DMD: variants seen among roughly 807,000 people sequenced by gnomAD.
DMD encodes the protein dystrophin, also known as mutant dystrophin.
Under a neutral mutation model 330.1 loss-of-function variants are expected in DMD, and 63 were observed. The ratio of observed to expected loss-of-function variants is 0.19; its 90% CI spans 0.16 to 0.24. DMD has a LOEUF of 0.24. Ranked by LOEUF, DMD falls within the 10% of genes least tolerant of loss-of-function variation. The pLI is 1.00. For synonymous variants in DMD, 1,223 were observed against 959.8 expected (o/e 1.27, Z -5.07); for missense variants, 3,344 against 2,684.1 (o/e 1.25, Z -5.43).
At chrX:32,730,950 G>C (rs1176171241) in intron 7 of DMD, among the ~76,000 whole-genome samples, 1 of 111,886 alleles carries the variant, frequency 8.9e-6, no homozygotes, top group Non-Finnish European at 1.9e-5. Context: ...ACAGCTCCCA[G>C]AGTGAGCGAC....
chrX:33,229,857 T>C (rs2052358412), intron 1 of DMD, among the ~76,000 whole-genome samples: 1 of 112,392 alleles, frequency 8.9e-6, no homozygotes, highest in Admixed American at 9.4e-5. Flanking sequence ...TTGGAGATAA[T>C]TGACATCTTT....
chrX:32,652,501 G>A (rs1030560923), intron 9 of DMD, among the ~76,000 whole-genome samples: 9 of 110,395 alleles, frequency 8.2e-5, no homozygotes, highest in Non-Finnish European at 1.5e-4. Flanking sequence ...ATTTCATGGT[G>A]TATATGTGCC....
intron 45 of DMD, among the ~76,000 whole-genome samples, chrX:31,961,962 T>C (rs903915379): frequency 9.1e-6 from 1 of 110,099 alleles, no homozygotes; most frequent in African/African-American, 3.3e-5. Context: ...TAGGAAGAAA[T>C]TGCAAGTGTA....
intron 30 of DMD, among the ~76,000 whole-genome samples, chrX:32,407,212 T>C (rs12381925): frequency 0.45 from 49,480 of 109,672 alleles, 8,619 homozygotes; most frequent in East Asian, 0.73. Flanking sequence ...GAGAAGATTT[T>C]CGCAACCTAC....
At chrX:31,902,995 GTCCCTATTA>G (rs1176774273) in intron 47 of DMD, among the ~76,000 whole-genome samples, 1 of 111,217 alleles carries the variant, frequency 9.0e-6, no homozygotes, top group Non-Finnish European at 1.9e-5. Flanking sequence ...AGAGACAATT[GTCCCTATTA>G]TGACACCTCT....
rs3072821 is a variant in DMD at position 31,951,159 on chromosome X, G to A, written c.6614+17180C>T. On this transcript the variant is annotated intron_variant, in intron 45 of 78. Transcript: ENST00000357033. ...TATATATGTGTATATATATATATAT[G>A]TATATATATATATATGTATATATAT... 7.8e-3 allele frequency among the ~76,000 whole-genome samples: 559 copies of A among 71,526 alleles called. 10 individuals carry two copies. The highest frequency in any genetic ancestry group is 0.019 in the African/African-American group (343 of 17,923). The allele number at this position is 71,526 out of a possible 115,157, so 62.1% of individuals were successfully genotyped here.
chrX:32,973,578 G>C, intron 2 of DMD, among the ~76,000 whole-genome samples: 2 of 111,869 alleles, frequency 1.8e-5, no homozygotes, highest in Non-Finnish European at 3.8e-5. Context: ...AAACAACATA[G>C]CAAGTTCACA....
intron 55 of DMD, among the ~76,000 whole-genome samples, chrX:31,540,010 G>C (rs1030161726): frequency 3.6e-5 from 4 of 111,869 alleles, no homozygotes; most frequent in African/African-American, 1.3e-4. Flanking sequence ...ATTGCCACTC[G>C]GAAACAGAAT....
Position 33,205,753 on chromosome X carries a change from G to T in DMD, c.31+5529C>A, listed in dbSNP as rs749949229. 3.6e-5 allele frequency among the ~76,000 whole-genome samples: 4 copies of T among 111,598 alleles called. No individual in the cohort carries two copies. In the Admixed American group the frequency reaches 3.8e-4, roughly 11 times the overall value. ...TGGAAATAATATGGGACACCGTAAT[G>T]GTAATTGTGCTCAGCTAACACTGAC... On this transcript the variant is annotated intron_variant, in intron 1 of 78. Transcript: ENST00000357033.
At chrX:32,792,139 G>A (rs2075864799) in intron 7 of DMD, among the ~76,000 whole-genome samples, 1 of 111,455 alleles carries the variant, frequency 9.0e-6, no homozygotes, top group African/African-American at 3.3e-5. Context: ...ACCCAGCCAA[G>A]GTAGCCTTCA....
At chrX:32,453,029 C>T (rs961338203) in intron 26 of DMD, among the ~76,000 whole-genome samples, 3 of 111,002 alleles carry the variant, frequency 2.7e-5, no homozygotes, top group Non-Finnish European at 5.7e-5. Context: ...ACATACAATT[C>T]TTCATAAATG....
intron 17 of DMD, among the ~76,000 whole-genome samples, chrX:32,538,753 C>T (rs1390156161): frequency 2.7e-5 from 3 of 111,402 alleles, no homozygotes; most frequent in African/African-American, 6.5e-5. Flanking sequence ...CACCACTCCA[C>T]GCCTATTAGA....
intron 74 of DMD, among the ~76,000 whole-genome samples, chrX:31,147,782 C>A (rs897663496): frequency 3.6e-5 from 4 of 110,256 alleles, no homozygotes; most frequent in Non-Finnish European, 7.6e-5. Context: ...TTATGTTACA[C>A]TAAAAGCCTC....
chrX:32,650,759 T>A (rs146274492), intron 9 of DMD, among the ~76,000 whole-genome samples: 116 of 111,959 alleles, frequency 1.0e-3, no homozygotes, highest in African/African-American at 3.6e-3. Context: ...CTAATGAGGA[T>A]TTAGGAAAAA....
At chrX:32,929,948 T>C (rs2089441952) in intron 2 of DMD, among the ~76,000 whole-genome samples, 1 of 111,796 alleles carries the variant, frequency 8.9e-6, no homozygotes, top group Non-Finnish European at 1.9e-5. Flanking sequence ...ACATTTTCTT[T>C]ATCCAGTCTA....
rs186116586 is a variant in DMD, at chrX:32,916,059, T to C, written c.94-66239A>G. Reference sequence around the variant, plus strand: ...TAATAAAATCATTTACTTCTACTTCTAGTATTCAGAAGAGAGGTAAAGGTA... The same window carrying C: ...TAATAAAATCATTTACTTCTACTTCCAGTATTCAGAAGAGAGGTAAAGGTA... On this transcript the variant is annotated intron_variant, in intron 2 of 78. Transcript: ENST00000357033. Among the ~76,000 whole-genome samples the C allele has an allele frequency of 3.5e-3, 387 of 111,474 alleles. 1 individual carries two copies. Among genetic ancestry groups the C allele is most frequent in the South Asian group, 0.015 (39 of 2,659 alleles).
chrX:33,275,731 A>T (rs974210053), intron 1 of DMD, among the ~76,000 whole-genome samples: 1 of 111,960 alleles, frequency 8.9e-6, no homozygotes, highest in African/African-American at 3.2e-5. Context: ...ATGATTCAAC[A>T]GGACTAAAAT....
chrX:31,428,440 C>A (rs765095775), intron 60 of DMD, among the ~76,000 whole-genome samples: 1 of 112,084 alleles, frequency 8.9e-6, no homozygotes, highest in Admixed American at 9.5e-5. Context: ...GCCTGCAGAA[C>A]CATGAGCCAA....
intron 1 of DMD, among the ~76,000 whole-genome samples, chrX:33,275,510 A>T (rs758666117): frequency 2.7e-5 from 3 of 112,227 alleles, no homozygotes; most frequent in Admixed American, 9.5e-5. Flanking sequence ...ATGTTCATGT[A>T]TCACTAAAAA....
Sources: allele counts gnomAD v4.1 joint callset (sites outside exome capture counted in the v4.1 genomes callset), GRCh38; gene constraint gnomAD v4.1.1; transcripts MANE v1.5; gene names NCBI Gene and HGNC (gene_info 2026-07-23, HGNC 2026-07-21).